Variants in TRAF3 observed in about 807,000 individuals in gnomAD.
The protein encoded by TRAF3 is TNF receptor associated factor 3, also known as TNF receptor-associated factor 3.
In TRAF3, 13 loss-of-function variants were observed where a neutral mutation model predicts 62.3. That is an observed-to-expected ratio of 0.21 (90% CI 0.14 to 0.33). The LOEUF (loss-of-function observed/expected upper bound fraction) is 0.33, where lower values mean the gene tolerates loss of function less well. TRAF3 is among the 10% of genes least tolerant of loss of function. TRAF3 has a pLI of 1.00. For missense variants in TRAF3, 440 were observed against 741.8 expected, an observed-to-expected ratio of 0.59 and a Z score of 4.73; for synonymous variants, 269 against 283.4, an observed-to-expected ratio of 0.95 and a Z score of 0.51.
intron 1 of TRAF3, among the ~76,000 whole-genome samples, chr14:102,825,725 C>A (rs1352032853): frequency 2.6e-5 from 4 of 152,248 alleles, no homozygotes; most frequent in African/African-American, 4.8e-5. Flanking sequence ...CCACAGAGAA[C>A]AAGCCTTGAT....
chr14:102,795,183 A>C (rs1243614900), intron 1 of TRAF3, among the ~76,000 whole-genome samples: 2 of 152,152 alleles, frequency 1.3e-5, no homozygotes, highest in Non-Finnish European at 2.9e-5. Flanking sequence ...ATGTGCTCTC[A>C]CATAGAAACC....
intron 1 of TRAF3, among the ~76,000 whole-genome samples, chr14:102,788,939 C>T (rs1057066185): frequency 5.3e-5 from 8 of 152,188 alleles, no homozygotes; most frequent in African/African-American, 1.9e-4. Flanking sequence ...CCACTGCACT[C>T]CAGCCTGAAG....
intron 1 of TRAF3, among the ~76,000 whole-genome samples, chr14:102,791,060 C>T (rs1897766389): frequency 6.6e-6 from 1 of 150,504 alleles, no homozygotes; most frequent in East Asian, 1.9e-4. Context: ...CGCTCTGTTC[C>T]CCAGGCTGGA....
At chr14:102,901,666 A>T (rs541614392) in intron 10 of TRAF3, among the ~76,000 whole-genome samples, 1 of 152,348 alleles carries the variant, frequency 6.6e-6, no homozygotes, top group East Asian at 1.9e-4. Flanking sequence ...CTTTAGAGAA[A>T]TTATCCTTAC....
intron 1 of TRAF3, among the ~76,000 whole-genome samples, chr14:102,830,115 C>T (rs1394196186): frequency 2.0e-5 from 3 of 152,212 alleles, no homozygotes; most frequent in African/African-American, 7.2e-5. Flanking sequence ...GTGGTTGCTG[C>T]CGAGGCGGCA....
intron 10 of TRAF3, among the ~76,000 whole-genome samples, chr14:102,898,925 G>A (rs926069218): frequency 1.3e-5 from 2 of 152,190 alleles, no homozygotes; most frequent in Non-Finnish European, 1.5e-5. Context: ...GAGTGGTGAC[G>A]GCAGCGGTCA....
chr14:102,815,252 A>C (rs1899444725), intron 1 of TRAF3, among the ~76,000 whole-genome samples: 1 of 152,188 alleles, frequency 6.6e-6, no homozygotes, highest in South Asian at 2.1e-4. Flanking sequence ...AGTCATTTCT[A>C]AGAAACCATT....
chr14:102,892,101 G>T (rs1889755977), intron 9 of TRAF3, among the ~76,000 whole-genome samples: 1 of 149,260 alleles, frequency 6.7e-6, no homozygotes, highest in Non-Finnish European at 1.5e-5. Flanking sequence ...TGTAGCCCAG[G>T]CTGGAATGCA....
intron 1 of TRAF3, among the ~76,000 whole-genome samples, chr14:102,791,064 G>C (rs1223492520): frequency 6.7e-6 from 1 of 148,980 alleles, no homozygotes. Context: ...CTGTTCCCCA[G>C]GCTGGAGTGT....
In TRAF3 at chr14:102,905,925, G is replaced by A. The variant is rs563206295; in HGVS notation, c.*141G>A. On this transcript the variant is annotated 3_prime_UTR_variant, in exon 12 of 12. Coordinates refer to ENST00000392745, the MANE Select transcript of TRAF3 (RefSeq NM_145725.3). ...GCAGAAGGCGGACGCGTGCCGGCGG[G>A]AGGAGCCACGCGTGAGCACACCTGA... The A allele has an allele frequency of 2.9e-6, 2 of 694,576 alleles. No homozygotes were observed. Among genetic ancestry groups the A allele is most frequent in the African/African-American group, 1.8e-5 (1 of 55,610 alleles). 43.0% of individuals were successfully genotyped at this position (694,576 alleles called of 1,614,324 possible).
At chr14:102,808,533 G>T (rs952644661) in intron 1 of TRAF3, among the ~76,000 whole-genome samples, 2 of 149,956 alleles carry the variant, frequency 1.3e-5, no homozygotes, top group African/African-American at 4.9e-5. Flanking sequence ...AAAAAGAAAA[G>T]AAGAACCATA....
intron 7 of TRAF3, among the ~76,000 whole-genome samples, chr14:102,887,631 G>A (rs1889469430): frequency 6.6e-6 from 1 of 151,252 alleles, no homozygotes; most frequent in Admixed American, 6.6e-5. Context: ...GTCTCGCTCT[G>A]TCACTCAGGC....
chr14:102,807,347 T>TC (rs1898834110), intron 1 of TRAF3, among the ~76,000 whole-genome samples: 1 of 152,156 alleles, frequency 6.6e-6, no homozygotes, highest in Non-Finnish European at 1.5e-5. Context: ...TCCTCCTTTC[T>TC]CCAGGGGCCT....
At chr14:102,838,189 A>G (rs529307447) in intron 2 of TRAF3, among the ~76,000 whole-genome samples, 1 of 152,374 alleles carries the variant, frequency 6.6e-6, no homozygotes, top group South Asian at 2.1e-4. Flanking sequence ...GTGACAAATA[A>G]TAACTACAAG....
chr14:102,855,762 C>T (rs1275394099), intron 2 of TRAF3, among the ~76,000 whole-genome samples: 1 of 150,102 alleles, frequency 6.7e-6, no homozygotes, highest in East Asian at 2.0e-4. Context: ...TGCCACCGCA[C>T]TCCAGCTTGG....
intron 4 of TRAF3, among the ~76,000 whole-genome samples, chr14:102,872,796 A>G (rs1888417654): frequency 2.0e-5 from 3 of 151,732 alleles, no homozygotes; most frequent in South Asian, 2.1e-4. Context: ...GGTTCAAGCA[A>G]TTCTCATGCC....
At chr14:102,881,243 G>T (rs901076489) in intron 6 of TRAF3, among the ~76,000 whole-genome samples, 5 of 151,916 alleles carry the variant, frequency 3.3e-5, no homozygotes, top group African/African-American at 1.2e-4. Flanking sequence ...AATTAGCTGG[G>T]CATGGTAACA....
Position 102,905,882 on chromosome 14 carries a change from T to A in TRAF3, c.*98T>A. On this transcript the variant is annotated 3_prime_UTR_variant, in exon 12 of 12. Transcript: ENST00000392745. ...GGTCCTCGCGCTCAGAAAAGGACCT[T>A]GTGAGACGGAGGAAGCGGCAGAAGG... 1.7e-6 allele frequency: 2 copies of A among 1,161,578 alleles called. No individual in the cohort carries two copies. The highest frequency in any genetic ancestry group is 2.4e-6 in the Non-Finnish European group (2 of 818,840). 72.0% of individuals were successfully genotyped at this position (1,161,578 alleles called of 1,614,324 possible).
At position 102,903,113 on chromosome 14, in the gene TRAF3, TG is replaced by T; in HGVS notation, c.961-140del. Reference sequence around the variant, plus strand: ...GAGGCCTGATGCAGAGCCCCACTCCTGGAGTCAGAGCCGCGGGTGGCAGGCC... The same window carrying T: ...GAGGCCTGATGCAGAGCCCCACTCCTGAGTCAGAGCCGCGGGTGGCAGGCC... On this transcript the variant is annotated intron_variant, in intron 10 of 11. Transcript: ENST00000392745. This position sits in a 1 kb window ranked among gnomAD's most constrained non-coding sequence, Gnocchi z 6.4. The T allele has an allele frequency of 8.7e-7, 1 of 1,153,300 alleles. No homozygotes were observed. Among genetic ancestry groups the T allele is most frequent in the Non-Finnish European group, 1.3e-6 (1 of 778,190 alleles). The allele number at this position is 1,153,300 out of a possible 1,614,324, so 71.4% of individuals were successfully genotyped here.
Sources: allele counts gnomAD v4.1 joint callset (sites outside exome capture counted in the v4.1 genomes callset), GRCh38; gene constraint gnomAD v4.1.1; non-coding constraint Gnocchi (gnomAD v3.1); transcripts MANE v1.5; gene names NCBI Gene and HGNC (gene_info 2026-07-23, HGNC 2026-07-21).